NXPE2: variants seen among roughly 807,000 people sequenced by gnomAD.
NXPE2 encodes NXPE family member 2.
Under a neutral mutation model 34.4 loss-of-function variants are expected in NXPE2, and 34 were observed. The observed-to-expected ratio is 0.99, with a 90% CI of 0.75 to 1.31. NXPE2 has a LOEUF of 1.31. NXPE2 is among the 40% of genes most tolerant of loss of function. The pLI is 0.00. For missense variants in NXPE2, 649 were observed against 672.5 expected, an observed-to-expected ratio of 0.97 and a Z score of 0.39; for synonymous variants, 235 against 231.3, an observed-to-expected ratio of 1.02 and a Z score of -0.15.
chr11:114,758,095 A>G, the NXPE2 span, among the ~76,000 whole-genome samples: 2 of 152,268 alleles, frequency 1.3e-5, no homozygotes, highest in African/African-American at 2.4e-5. Flanking sequence ...AGTGAATTCT[A>G]TGGAGAAATG....
the NXPE2 span, among the ~76,000 whole-genome samples, chr11:114,628,536 T>C: frequency 6.6e-6 from 1 of 151,254 alleles, no homozygotes; most frequent in Admixed American, 6.6e-5. Flanking sequence ...TAGAGGGAAA[T>C]TTATAGCACT....
chr11:114,595,717 T>C, the NXPE2 span: 1 of 152,460 alleles, frequency 6.6e-6, no homozygotes, highest in African/African-American at 2.4e-5. Flanking sequence ...AAATTGCAGA[T>C]ATAAGTTGCA....
chr11:114,713,467 C>T, the NXPE2 span, among the ~76,000 whole-genome samples: 9 of 152,114 alleles, frequency 5.9e-5, no homozygotes, highest in African/African-American at 2.2e-4. Context: ...TTGCAGGACA[C>T]CTATGTAGAT....
At chr11:114,726,417 G>T in the NXPE2 span, among the ~76,000 whole-genome samples, 4 of 151,962 alleles carry the variant, frequency 2.6e-5, no homozygotes, top group South Asian at 8.3e-4. Context: ...TTTCTGTGTT[G>T]CCCAGGCTGG....
the NXPE2 span, among the ~76,000 whole-genome samples, chr11:114,638,599 T>C: frequency 5.3e-5 from 8 of 152,084 alleles, no homozygotes; most frequent in Admixed American, 1.3e-4. Context: ...TGTGGTTTTA[T>C]CTACTTTTGT....
chr11:114,617,633 C>G, the NXPE2 span, among the ~76,000 whole-genome samples: 1 of 151,440 alleles, frequency 6.6e-6, no homozygotes, highest in Non-Finnish European at 1.5e-5. Flanking sequence ...CACTGTTACC[C>G]AATGGATAAT....
At chr11:114,504,096 C>T in the NXPE2 span, among the ~76,000 whole-genome samples, 1 of 152,234 alleles carries the variant, frequency 6.6e-6, no homozygotes, top group Non-Finnish European at 1.5e-5. Context: ...TCCCCTGAGC[C>T]CACGGCAACT....
At chr11:114,701,031 T>A (rs1392477896) in intron 3 of NXPE2, among the ~76,000 whole-genome samples, 2 of 152,102 alleles carry the variant, frequency 1.3e-5, no homozygotes, top group African/African-American at 4.8e-5. Context: ...AGCCTCTCCC[T>A]TTCACCCCTA....
At chr11:114,794,311 C>G in the NXPE2 span, among the ~76,000 whole-genome samples, 3 of 152,104 alleles carry the variant, frequency 2.0e-5, no homozygotes, top group East Asian at 5.8e-4. Flanking sequence ...AAGCACCCTT[C>G]CCCCTGCTTG....
the NXPE2 span, among the ~76,000 whole-genome samples, chr11:114,545,685 G>C: frequency 4.0e-5 from 6 of 151,502 alleles, no homozygotes; most frequent in Admixed American, 3.9e-4. Context: ...AACACAAAGA[G>C]TGGATCTTTT....
the NXPE2 span, among the ~76,000 whole-genome samples, chr11:114,716,121 G>C: frequency 1.3e-5 from 2 of 152,210 alleles, no homozygotes; most frequent in African/African-American, 4.8e-5. Flanking sequence ...CATTCATCCT[G>C]TCCATGTACC....
chr11:114,651,563 C>T, the NXPE2 span, among the ~76,000 whole-genome samples: 1 of 152,228 alleles, frequency 6.6e-6, no homozygotes, highest in African/African-American at 2.4e-5. Context: ...CTTTGCTGGC[C>T]AGCCTTTATT....
the NXPE2 span, among the ~76,000 whole-genome samples, chr11:114,519,441 A>G: frequency 2.6e-5 from 4 of 152,312 alleles, no homozygotes; most frequent in African/African-American, 9.6e-5. Flanking sequence ...AAGAAGCAAA[A>G]CTTAGTCTCT....
chr11:114,513,887 A>T, the NXPE2 span, among the ~76,000 whole-genome samples: 2 of 152,204 alleles, frequency 1.3e-5, no homozygotes, highest in South Asian at 4.2e-4. Flanking sequence ...AAAATTCATT[A>T]AATTTTGAAT....
At chr11:114,744,865 C>T in the NXPE2 span, among the ~76,000 whole-genome samples, 1 of 152,016 alleles carries the variant, frequency 6.6e-6, no homozygotes, top group African/African-American at 2.4e-5. Context: ...TTTATCATTA[C>T]AATTATAAAA....
chr11:114,601,115 T>C, the NXPE2 span, among the ~76,000 whole-genome samples: 4 of 151,904 alleles, frequency 2.6e-5, no homozygotes, highest in Non-Finnish European at 4.4e-5. Context: ...TAAATAACTT[T>C]AGGGGCACAA....
the NXPE2 span, among the ~76,000 whole-genome samples, chr11:114,809,917 A>G: frequency 2.8e-5 from 4 of 144,248 alleles, no homozygotes; most frequent in African/African-American, 1.0e-4. Context: ...AGCTGGAGGC[A>G]TCACACTACC....
chr11:114,681,969 A>G lies in NXPE2; in HGVS notation c.132+2207A>G, dbSNP rs143763556. Among the ~76,000 whole-genome samples, 42 of 152,324 alleles carry G rather than the reference A, an allele frequency of 2.8e-4. No individual in the cohort carries two copies. In the East Asian group the frequency reaches 7.7e-3, roughly 28 times the overall value. On this transcript the variant is annotated intron_variant, in intron 2 of 5. Transcript: ENST00000389586. ...ATATCAAAGGTTTAAAACACTTGAT[A>G]TTACAAAATAGGATCACAGGTCATT... is the stretch of plus-strand genomic sequence containing the variant.
intron 4 of NXPE2, among the ~76,000 whole-genome samples, 175 bp downstream of exon 4, chr11:114,704,227 T>C (rs918287628): frequency 1.3e-5 from 2 of 152,208 alleles, no homozygotes; most frequent in African/African-American, 4.8e-5. Flanking sequence ...TATTTTCATA[T>C]CGATTTAAAC....
Sources: gnomAD v4.1 joint callset for allele counts (sites outside exome capture counted in the v4.1 genomes callset) on GRCh38, gnomAD v4.1.1 for gene constraint, MANE v1.5 for transcripts, NCBI Gene and HGNC (gene_info 2026-07-23, HGNC 2026-07-21) for gene names.